Variants in GXYLT1 observed in about 807,000 individuals in gnomAD.
GXYLT1 encodes glycosyltransferase 8 domain containing 3.
Under a neutral mutation model 54.0 loss-of-function variants are expected in GXYLT1, and 29 were observed. That is an observed-to-expected ratio of 0.54 (90% CI 0.40 to 0.73). The LOEUF is 0.73. GXYLT1 is among the 30% of genes least tolerant of loss of function. The pLI is 0.00. For missense variants in GXYLT1, 490 were observed against 553.4 expected, an observed-to-expected ratio of 0.89 and a Z score of 1.15; for synonymous variants, 176 against 204.1, an observed-to-expected ratio of 0.86 and a Z score of 1.17.
intron 7 of GXYLT1, among the ~76,000 whole-genome samples, chr12:42,093,000 A>C (rs1409533061): frequency 6.6e-6 from 1 of 152,236 alleles, no homozygotes; most frequent in African/African-American, 2.4e-5. Flanking sequence ...CATTCCTAAA[A>C]GACAAATGTA....
At chr12:42,114,716 T>C (rs1033852405) in intron 3 of GXYLT1, among the ~76,000 whole-genome samples, 2 of 152,202 alleles carry the variant, frequency 1.3e-5, no homozygotes, top group Non-Finnish European at 2.9e-5. Context: ...GAGGAGCTGG[T>C]ACCATTCCTT....
chr12:42,109,526 A>C, intron 4 of GXYLT1, 40 bp downstream of exon 4: 1 of 1,118,642 alleles, frequency 8.9e-7, no homozygotes, highest in Non-Finnish European at 1.2e-6. Flanking sequence ...TCAAATTTAA[A>C]AAAAAAAAAA....
rs2065597575 is a variant in GXYLT1 at position 42,132,279 on chromosome 12, A to AT, written c.222-2429dup. 2.6e-5 allele frequency among the ~76,000 whole-genome samples: 4 copies of AT among 152,336 alleles called. No homozygotes were observed. In the South Asian group the frequency reaches 8.3e-4, roughly 32 times the overall value. On this transcript the variant is annotated intron_variant, in intron 1 of 7. Coordinates refer to ENST00000398675, the MANE Select transcript of GXYLT1 (RefSeq NM_173601.2). ...CTGAATTTTTCACCAATATCCGCAG[A>AT]TAAGTCTTAAAATCAGACCTGAATG...
At position 42,144,526 on chromosome 12, in the gene GXYLT1, G is replaced by A. The variant is rs1401054163; in HGVS notation, c.121C>T (p.Pro41Ser). 3 of 1,423,468 alleles carry A rather than the reference G, an allele frequency of 2.1e-6. No individual in the cohort carries two copies. Among genetic ancestry groups the A allele is most frequent in the African/African-American group, 1.5e-5 (1 of 67,646 alleles). The allele number at this position is 1,423,468 out of a possible 1,614,324, so 88.2% of individuals were successfully genotyped here. A position where few individuals can be genotyped will look rare whatever the true frequency, so the allele number is the denominator to read the frequency against. The change falls in exon 1 of 8, where the codon CCG becomes TCG. Residue 41 changes from proline to serine, a missense_variant. Transcript: ENST00000398675. ...AGCCAGGAAGCCACCGCGGCCTGCG[G>A]CTTCCCGCCACCGCCGCCCGTTCCT... Reference protein sequence around the residue: ...EEGTGGGGGKPQAAVASWLAG... With the variant: ...EEGTGGGGGKSQAAVASWLAG...
chr12:42,126,317 G>A (rs993450805), intron 2 of GXYLT1, among the ~76,000 whole-genome samples: 4 of 152,010 alleles, frequency 2.6e-5, no homozygotes, highest in Non-Finnish European at 2.9e-5. Context: ...TCAGGCGATC[G>A]GCACGCCTTG....
intron 2 of GXYLT1, among the ~76,000 whole-genome samples, chr12:42,120,081 T>G (rs1230152112): frequency 1.3e-5 from 2 of 152,146 alleles, no homozygotes; most frequent in African/African-American, 2.4e-5. Flanking sequence ...AGGAACCCAT[T>G]GAGAAAGATA....
chr12:42,131,299 GAATTC>G (rs2065592737), intron 1 of GXYLT1, among the ~76,000 whole-genome samples: 1 of 152,104 alleles, frequency 6.6e-6, no homozygotes, highest in Admixed American at 6.5e-5. Context: ...CTCTCATTAT[GAATTC>G]AATTATGAGT....
intron 3 of GXYLT1, among the ~76,000 whole-genome samples, chr12:42,118,323 A>C (rs2136904643): frequency 6.6e-6 from 1 of 152,358 alleles, no homozygotes; most frequent in South Asian, 2.1e-4. Context: ...TCCCAAGGAA[A>C]GGATATAGAC....
chr12:42,120,553 C>G (rs1257421077), intron 2 of GXYLT1, among the ~76,000 whole-genome samples: 1 of 151,994 alleles, frequency 6.6e-6, no homozygotes, highest in African/African-American at 2.4e-5. Context: ...TTTTTAGAGA[C>G]AGGGTCTCAC....
chr12:42,141,528 A>G (rs1188673658), intron 1 of GXYLT1, among the ~76,000 whole-genome samples: 1 of 151,856 alleles, frequency 6.6e-6, no homozygotes, highest in Non-Finnish European at 1.5e-5. Context: ...AAGACAGTAG[A>G]TCTTTAGTGC....
At chr12:42,125,244 G>A (rs978749574) in intron 2 of GXYLT1, among the ~76,000 whole-genome samples, 4 of 152,214 alleles carry the variant, frequency 2.6e-5, no homozygotes, top group African/African-American at 4.8e-5. Flanking sequence ...GAGAAAGTCC[G>A]TTGTAAACAT....
intron 1 of GXYLT1, among the ~76,000 whole-genome samples, chr12:42,134,018 A>G (rs2065606318): frequency 6.6e-6 from 1 of 151,946 alleles, no homozygotes; most frequent in Non-Finnish European, 1.5e-5. Flanking sequence ...GCAACATGGC[A>G]AAACCCCATC....
At chr12:42,101,418 T>C (rs1371946728) in intron 5 of GXYLT1, among the ~76,000 whole-genome samples, 1 of 152,072 alleles carries the variant, frequency 6.6e-6, no homozygotes, top group Non-Finnish European at 1.5e-5. Context: ...GAAAATAAAA[T>C]CATCCATTCT....
intron 3 of GXYLT1, among the ~76,000 whole-genome samples, chr12:42,116,601 T>G (rs965109795): frequency 6.6e-6 from 1 of 152,120 alleles, no homozygotes; most frequent in Non-Finnish European, 1.5e-5. Context: ...CCAGTTAGAA[T>G]GGCAATCATT....
chr12:42,137,530 A>C (rs1375274778), intron 1 of GXYLT1, among the ~76,000 whole-genome samples: 1 of 140,702 alleles, frequency 7.1e-6, no homozygotes, highest in Non-Finnish European at 1.5e-5. Context: ...AAAAAAGCGG[A>C]TCACAAGGTC....
At chr12:42,129,671 A>C (rs955508530) in intron 2 of GXYLT1, 88 bp downstream of exon 2, 9 of 779,136 alleles carry the variant, frequency 1.2e-5, no homozygotes, top group Middle Eastern at 2.4e-4. Flanking sequence ...TATCATAAGA[A>C]ACATTCTTAC....
chr12:42,113,794 A>G (rs2065474656), intron 3 of GXYLT1, among the ~76,000 whole-genome samples: 1 of 151,096 alleles, frequency 6.6e-6, no homozygotes, highest in African/African-American at 2.5e-5. Context: ...AGACATCTAC[A>G]GAACTCTCCA....
intron 5 of GXYLT1, among the ~76,000 whole-genome samples, chr12:42,099,153 AC>A (rs1250324311): frequency 5.9e-5 from 9 of 152,064 alleles, no homozygotes; most frequent in Admixed American, 5.9e-4. Context: ...GATTCACCCA[AC>A]CCATTTTAAC....
chr12:42,101,693 T>A (rs917792512), intron 5 of GXYLT1, among the ~76,000 whole-genome samples: 1 of 152,004 alleles, frequency 6.6e-6, no homozygotes, highest in Admixed American at 6.5e-5. Flanking sequence ...TGCCTCAGGC[T>A]CCCGAGTAGC....
Sources: gnomAD v4.1 joint callset for allele counts (sites outside exome capture counted in the v4.1 genomes callset) on GRCh38, gnomAD v4.1.1 for gene constraint, MANE v1.5 for transcripts, NCBI Gene and HGNC (gene_info 2026-07-23, HGNC 2026-07-21) for gene names.